The following MLXIP variants were observed in gnomAD, a reference collection of about 807,000 sequenced individuals.
MLXIP encodes the protein MLX-interacting protein.
In MLXIP, 30 loss-of-function variants were observed where a neutral mutation model predicts 87.2. That is an observed-to-expected ratio of 0.34 (90% CI 0.26 to 0.47). The LOEUF (loss-of-function observed/expected upper bound fraction) is 0.47. MLXIP is among the 20% of genes least tolerant of loss of function. MLXIP has a pLI of 1.00. For missense variants in MLXIP, 1,002 were observed against 1,240.1 expected (o/e 0.81, Z 2.88); for synonymous variants, 530 against 514.0 (o/e 1.03, Z -0.42).
At chr12:122,092,525 A>AT (rs1194792139) in intron 1 of MLXIP, among the ~76,000 whole-genome samples, 7 of 152,186 alleles carry the variant, frequency 4.6e-5, no homozygotes, top group African/African-American at 1.7e-4. Context: ...AGAGGTATGC[A>AT]TGTGCCTAGG....
intron 1 of MLXIP, among the ~76,000 whole-genome samples, chr12:122,090,256 G>A (rs964892043): frequency 1.2e-4 from 18 of 152,148 alleles, no homozygotes; most frequent in African/African-American, 2.9e-4. Flanking sequence ...AACACTTTGC[G>A]AGGCCGAGGC....
chr12:122,129,585 C>T lies in MLXIP; in HGVS notation c.697-3C>T, dbSNP rs1373834772. On this transcript the variant is annotated splice_region_variant and splice_polypyrimidine_tract_variant and intron_variant, in intron 4 of 16. Coordinates refer to ENST00000319080, the MANE Select transcript of MLXIP (RefSeq NM_014938.6). ...CCGCCGTGTCCTGTCCCTTTGCCCACAGCTACAGCAGCACAAGGATGAGGA... is the reference window on the plus strand; with the variant it reads ...CCGCCGTGTCCTGTCCCTTTGCCCATAGCTACAGCAGCACAAGGATGAGGA... 1.2e-6 allele frequency: 2 copies of T among 1,613,628 alleles called. No individual in the cohort carries two copies. Among genetic ancestry groups the T allele is most frequent in the African/African-American group, 1.3e-5 (1 of 75,056 alleles).
rs1383206899 is a variant in MLXIP, at chr12:122,093,854, AGTGTCTG to A, written c.413+14593_413+14599del. On this transcript the variant is annotated intron_variant, in intron 1 of 16. Coordinates refer to ENST00000319080, the MANE Select transcript of MLXIP (RefSeq NM_014938.6). ...CAGTGTGTGTGGGGTGTGTGTTTGC[AGTGTCTG>A]GTGTGTGGGGTGTGTTGGTGTGTGT... Among the ~76,000 whole-genome samples the A allele has an allele frequency of 2.3e-3, 215 of 92,420 alleles. 2 individuals carry two copies. Among genetic ancestry groups the A allele is most frequent in the African/African-American group, 9.1e-3 (206 of 22,584 alleles). The allele number at this position is 92,420 out of a possible 152,430, so 60.6% of individuals were successfully genotyped here.
chr12:122,141,752 G>A lies in MLXIP; in HGVS notation c.2700G>A (p.Gln900=), dbSNP rs1235190647. ...CCTCCATCCTCACAGACCCGGCACAGCTGCCAGAGCAGGCGTCCAAGGCTG... is the reference window on the plus strand; with the variant it reads ...CCTCCATCCTCACAGACCCGGCACAACTGCCAGAGCAGGCGTCCAAGGCTG... ...TSTSILTDPA[Q]LPEQASKAVT... Residue 900 remains glutamine (Q), a synonymous_variant, in exon 17 of 17, where the codon CAG becomes CAA. Transcript: ENST00000319080. 2 of 1,613,904 alleles carry A rather than the reference G, an allele frequency of 1.2e-6. No individual in the cohort carries two copies. The highest frequency in any genetic ancestry group is 1.7e-6 in the Non-Finnish European group (2 of 1,179,900).
chr12:122,118,067 G>A (rs1357603181), intron 1 of MLXIP, among the ~76,000 whole-genome samples: 1 of 152,038 alleles, frequency 6.6e-6, no homozygotes, highest in Non-Finnish European at 1.5e-5. Context: ...GTAAAATAAG[G>A]GCTACCTGAA....
intron 1 of MLXIP, among the ~76,000 whole-genome samples, chr12:122,086,945 C>T (rs1056824090): frequency 6.6e-6 from 1 of 152,212 alleles, no homozygotes; most frequent in African/African-American, 2.4e-5. Context: ...TCACCCACCA[C>T]CCTGTTTCTT....
At chr12:122,093,012 T>G (rs1952270421) in intron 1 of MLXIP, among the ~76,000 whole-genome samples, 3 of 146,956 alleles carry the variant, frequency 2.0e-5, no homozygotes, top group Non-Finnish European at 3.0e-5. Context: ...ATGTGTGGTG[T>G]GGTCTGTGTA....
intron 1 of MLXIP, among the ~76,000 whole-genome samples, chr12:122,107,205 G>A (rs567710440): frequency 1.4e-4 from 22 of 152,234 alleles, no homozygotes; most frequent in South Asian, 6.2e-4. Context: ...ATTTCCTCGT[G>A]GCGGGAGCTG....
In MLXIP at chr12:122,141,320, A is replaced by C. The variant is rs1953199150; in HGVS notation, c.2638+237A>C. ...AGCTTGCATGGATCTAGTGCCAACTATTTGCCAGGCCCTGTATCAGGTGCC... is the reference window on the plus strand; with the variant it reads ...AGCTTGCATGGATCTAGTGCCAACTCTTTGCCAGGCCCTGTATCAGGTGCC... On this transcript the variant is annotated intron_variant, in intron 16 of 16. Coordinates refer to ENST00000319080, the MANE Select transcript of MLXIP (RefSeq NM_014938.6). Among the ~76,000 whole-genome samples the C allele has an allele frequency of 2.0e-5, 3 of 152,236 alleles. No individual in the cohort carries two copies. In the South Asian group the frequency reaches 6.2e-4, roughly 32 times the overall value.
intron 1 of MLXIP, among the ~76,000 whole-genome samples, chr12:122,115,323 C>A (rs1952673338): frequency 6.6e-6 from 1 of 152,008 alleles, no homozygotes; most frequent in Non-Finnish European, 1.5e-5. Flanking sequence ...CGCGGTGTCT[C>A]ACGCCTATAA....
At chr12:122,130,535 A>G (rs1285885091) in intron 6 of MLXIP, among the ~76,000 whole-genome samples, 2 of 151,648 alleles carry the variant, frequency 1.3e-5, no homozygotes, top group Non-Finnish European at 2.9e-5. Context: ...TTAACCTCTC[A>G]GGGAAGAGCC....
intron 1 of MLXIP, among the ~76,000 whole-genome samples, chr12:122,090,445 C>G (rs1451617654): frequency 1.3e-5 from 2 of 151,474 alleles, no homozygotes; most frequent in Non-Finnish European, 2.9e-5. Flanking sequence ...TACAGTGAGC[C>G]AAGATCCCAC....
chr12:122,117,204 G>A (rs1952705494), intron 1 of MLXIP, among the ~76,000 whole-genome samples: 1 of 152,240 alleles, frequency 6.6e-6, no homozygotes, highest in Non-Finnish European at 1.5e-5. Context: ...CCAACAGGAT[G>A]TTCTTTGAAT....
At chr12:122,132,270 G>C (rs769185997) in intron 7 of MLXIP, 22 bp from the exon 8 acceptor site, 1 of 1,578,268 alleles carries the variant, frequency 6.3e-7, no homozygotes, top group South Asian at 1.1e-5. Context: ...GAGCTCAGAA[G>C]ACCCCTGCTG....
chr12:122,097,983 G>A (rs182869995), intron 1 of MLXIP, among the ~76,000 whole-genome samples: 24 of 152,344 alleles, frequency 1.6e-4, no homozygotes, highest in Admixed American at 5.9e-4. Flanking sequence ...TAAGCTCACT[G>A]GTGCTATGCA....
At chr12:122,106,562 C>T (rs1952523102) in intron 1 of MLXIP, among the ~76,000 whole-genome samples, 2 of 148,384 alleles carry the variant, frequency 1.3e-5, no homozygotes, top group South Asian at 2.1e-4. Context: ...GCATTTGATT[C>T]CTGGTGGTGA....
chr12:122,142,202 G>T lies in MLXIP; in HGVS notation c.*390G>T, dbSNP rs1475916942. On this transcript the variant is annotated 3_prime_UTR_variant, in exon 17 of 17. Transcript: ENST00000319080. ...GGGCCTGCTCCTGTCCTGAGGCCCAGCCTTGTCCCTCCTGCCACGTCCTGT... is the reference window on the plus strand; with the variant it reads ...GGGCCTGCTCCTGTCCTGAGGCCCATCCTTGTCCCTCCTGCCACGTCCTGT... The T allele has an allele frequency of 1.4e-6, 1 of 701,198 alleles. No individual in the cohort carries two copies. Among genetic ancestry groups the T allele is most frequent in the Admixed American group, 2.0e-5 (1 of 49,990 alleles). The allele number at this position is 701,198 out of a possible 1,614,324, so 43.4% of individuals were successfully genotyped here.
Position 122,141,847 on chromosome 12 carries a change from G to A in MLXIP, c.*35G>A, listed in dbSNP as rs1565992660. 2.5e-6 allele frequency: 4 copies of A among 1,609,868 alleles called. No individual in the cohort carries two copies. Among genetic ancestry groups the A allele is most frequent in the African/African-American group, 2.7e-5 (2 of 74,904 alleles). On this transcript the variant is annotated 3_prime_UTR_variant, in exon 17 of 17. Coordinates refer to ENST00000319080, the MANE Select transcript of MLXIP (RefSeq NM_014938.6). ...TGGCATGTGGCCGCATGAGATGCCA[G>A]GAGACCCTTCCCTGCCCATGGAGAG... is the stretch of plus-strand genomic sequence containing the variant.
intron 1 of MLXIP, among the ~76,000 whole-genome samples, chr12:122,121,688 C>T (rs1233645823): frequency 6.6e-6 from 1 of 152,170 alleles, no homozygotes; most frequent in African/African-American, 2.4e-5. Flanking sequence ...TCTCTGCCTG[C>T]CCCTGTTCTT....
Sources: gnomAD v4.1 joint callset for allele counts (sites outside exome capture counted in the v4.1 genomes callset) on GRCh38, gnomAD v4.1.1 for gene constraint, MANE v1.5 for transcripts, NCBI Gene and HGNC (gene_info 2026-07-23, HGNC 2026-07-21) for gene names.